The following WDR72 variants were observed in gnomAD, a reference collection of about 807,000 sequenced individuals.
The protein encoded by WDR72 is WD repeat-containing protein 72.
WDR72 carries 120 observed loss-of-function variants against 124.2 expected under a neutral mutation model. That is an observed-to-expected ratio of 0.97 (90% confidence interval 0.83 to 1.12). The LOEUF is 1.12. Ranked by LOEUF, WDR72 falls within the 50% of genes most tolerant of loss-of-function variation. The probability of loss-of-function intolerance (pLI) is 0.00; values close to 1 mark genes in which losing one functional copy is unlikely to be tolerated. For synonymous variants in WDR72, 452 were observed against 441.7 expected (o/e 1.02, Z -0.29); for missense variants, 1,387 against 1,278.8 (o/e 1.08, Z -1.29).
Position 53,716,621 on chromosome 15 carries a change from G to A in WDR72, c.325C>T (p.His109Tyr). ...AGTGTACTTACACAGATTGCAGTGT[G>A]CCTGTAAGGAAGTGTAGCCTTCTCC... The part of the protein sequence containing the change: ...CMEKATLPYR[H>Y]TAICYYHCSF... Residue 109 changes from histidine (H) to tyrosine (Y), a missense_variant, in exon 4 of 20, where the codon CAC becomes TAC. His to Tyr is a moderately conservative substitution (Grantham distance 83). Transcript: ENST00000360509. The A allele has an allele frequency of 6.2e-7, 1 of 1,607,288 alleles. No homozygotes were observed. The highest frequency in any genetic ancestry group is 8.5e-7 in the Non-Finnish European group (1 of 1,173,798).
At chr15:53,751,024 G>T (rs1358401832) in intron 1 of WDR72, among the ~76,000 whole-genome samples, 1 of 152,178 alleles carries the variant, frequency 6.6e-6, no homozygotes, top group Non-Finnish European at 1.5e-5. Context: ...TGGTAAAGTA[G>T]CAGGGTTTAA....
intron 1 of WDR72, among the ~76,000 whole-genome samples, chr15:53,738,690 G>A (rs181702191): frequency 3.4e-4 from 51 of 152,182 alleles, no homozygotes; most frequent in African/African-American, 1.2e-3. Context: ...TCCACTCCCG[G>A]GTTCAAGGGA....
chr15:53,717,736 A>G (rs1373686673), intron 3 of WDR72, among the ~76,000 whole-genome samples: 1 of 152,196 alleles, frequency 6.6e-6, no homozygotes, highest in African/African-American at 2.4e-5. Context: ...CCCACAACAA[A>G]GAATTATCTG....
At chr15:53,522,843 A>AC (rs1212109303) in intron 19 of WDR72, among the ~76,000 whole-genome samples, 3 of 151,880 alleles carry the variant, frequency 2.0e-5, no homozygotes, top group South Asian at 2.1e-4. Flanking sequence ...TTCTCTTTTC[A>AC]CCCCCGTCTG....
chr15:53,515,024 T>TATATAC lies in WDR72; in HGVS notation c.*2674_*2675insGTATAT, dbSNP rs1555402376. On this transcript the variant is annotated 3_prime_UTR_variant, in exon 20 of 20. Coordinates refer to ENST00000360509, the MANE Select transcript of WDR72 (RefSeq NM_182758.4). The stretch of plus-strand genomic sequence containing the variant: ...GGGATATGCCATATATATATATATA[T>TATATAC]ACACACATATATATGTGTATATATA... 1.3e-3 allele frequency: 178 copies of TATATAC among 135,924 alleles called. No homozygotes were observed. The highest frequency in any genetic ancestry group is 2.7e-3 in the Admixed American group (38 of 14,280). 8.4% of individuals were successfully genotyped at this position (135,924 alleles called of 1,614,324 possible).
At chr15:53,690,330 T>G (rs1471134965) in intron 13 of WDR72, among the ~76,000 whole-genome samples, 2 of 152,184 alleles carry the variant, frequency 1.3e-5, no homozygotes, top group African/African-American at 4.8e-5. Context: ...TCAGTGGCAT[T>G]TAGTGCATTG....
intron 1 of WDR72, among the ~76,000 whole-genome samples, chr15:53,755,257 T>C (rs957867184): frequency 2.0e-5 from 3 of 152,238 alleles, no homozygotes; most frequent in South Asian, 2.1e-4. Context: ...ATAAAGAAGA[T>C]ACTTTAAATG....
chr15:53,703,294 G>A (rs2017241231), intron 11 of WDR72, among the ~76,000 whole-genome samples: 1 of 152,148 alleles, frequency 6.6e-6, no homozygotes, highest in Admixed American at 6.5e-5. Context: ...TTTGAAAGAT[G>A]TTAGACATTA....
intron 14 of WDR72, among the ~76,000 whole-genome samples, chr15:53,653,597 G>T (rs1013564124): frequency 1.7e-4 from 26 of 152,264 alleles, no homozygotes; most frequent in African/African-American, 5.8e-4. Context: ...CTTTTTTAAT[G>T]TATGATGTTT....
At chr15:53,555,247 G>T (rs1893885024) in intron 18 of WDR72, among the ~76,000 whole-genome samples, 1 of 151,544 alleles carries the variant, frequency 6.6e-6, no homozygotes, top group African/African-American at 2.4e-5. Context: ...GTGCGGGAAG[G>T]GTAAGGAAAC....
intron 13 of WDR72, among the ~76,000 whole-genome samples, chr15:53,699,072 CACT>C (rs1332836541): frequency 6.6e-6 from 1 of 152,076 alleles, no homozygotes; most frequent in African/African-American, 2.4e-5. Context: ...ATAAAACCAC[CACT>C]GATTAATCAA....
At chr15:53,600,565 G>C (rs75686155) in intron 17 of WDR72, among the ~76,000 whole-genome samples, 2 of 152,096 alleles carry the variant, frequency 1.3e-5, no homozygotes, top group Non-Finnish European at 2.9e-5. Context: ...CTGAGTCTTA[G>C]GCAAGCTAAA....
chr15:53,705,058 C>T lies in WDR72; in HGVS notation c.1278G>A (p.Gly426=), dbSNP rs1158976500. 1 of 1,613,900 alleles carries T rather than the reference C, an allele frequency of 6.2e-7. No homozygotes were observed. The highest frequency in any genetic ancestry group is 1.3e-5 in the African/African-American group (1 of 74,876). ...LDKLICGCED[G]TIIITQALNA... ...TCAAAGCCTGGGTAATGATAATTGT[C>T]CCATCTTCACAGCCACATATTAGTT... The change falls in exon 11 of 20, where the codon GGG becomes GGA. Residue 426 remains glycine, a synonymous_variant. Transcript: ENST00000360509.
chr15:53,756,482 C>G (rs2018909946), intron 1 of WDR72, among the ~76,000 whole-genome samples: 1 of 152,132 alleles, frequency 6.6e-6, no homozygotes, highest in Non-Finnish European at 1.5e-5. Context: ...AACAAAATGT[C>G]AATTAACCAA....
Position 53,705,667 on chromosome 15 carries a change from T to C in WDR72, c.1102+260A>G, listed in dbSNP as rs555560357. 4.6e-5 allele frequency among the ~76,000 whole-genome samples: 7 copies of C among 152,278 alleles called. No individual in the cohort carries two copies. In the East Asian group the frequency reaches 1.4e-3, roughly 29 times the overall value. On this transcript the variant is annotated intron_variant, in intron 10 of 19. Coordinates refer to ENST00000360509, the MANE Select transcript of WDR72 (RefSeq NM_182758.4). ...TAGTAGAGACGGGGTTTCACCGTGT[T>C]GCCCAGGCTGGTCTCGAAGTCCTTT... is the stretch of plus-strand genomic sequence containing the variant.
intron 17 of WDR72, among the ~76,000 whole-genome samples, chr15:53,608,136 C>A (rs1396667416): frequency 1.3e-5 from 2 of 152,164 alleles, no homozygotes; most frequent in African/African-American, 4.8e-5. Context: ...TATGATACAG[C>A]AATCCCACTG....
rs75450502 is a variant in WDR72, at chr15:53,606,832, T to C, written c.2952+2681A>G. Among the ~76,000 whole-genome samples the C allele has an allele frequency of 8.3e-3, 1,265 of 152,184 alleles. 28 individuals carry two copies. Among genetic ancestry groups the C allele is most frequent in the African/African-American group, 0.029 (1,223 of 41,518 alleles). On this transcript the variant is annotated intron_variant, in intron 17 of 19. Coordinates refer to ENST00000360509, the MANE Select transcript of WDR72 (RefSeq NM_182758.4). ...CAGTTGGGGCTAAATCAAGGTAAGA[T>C]AGGAGGTGGCAAATGATGACAGATG...
intron 13 of WDR72, among the ~76,000 whole-genome samples, chr15:53,684,921 A>G (rs1274323109): frequency 2.6e-5 from 4 of 152,144 alleles, no homozygotes; most frequent in Non-Finnish European, 4.4e-5. Flanking sequence ...CGAGCAGCCT[A>G]ACTGGGAGGC....
At chr15:53,741,097 C>A (rs188810908) in intron 1 of WDR72, among the ~76,000 whole-genome samples, 1 of 152,310 alleles carries the variant, frequency 6.6e-6, no homozygotes, top group East Asian at 1.9e-4. Context: ...AGGGCAGAGA[C>A]TTCTGTCTCA....
Sources: allele counts gnomAD v4.1 joint callset (sites outside exome capture counted in the v4.1 genomes callset), GRCh38; gene constraint gnomAD v4.1.1; transcripts MANE v1.5; gene names NCBI Gene and HGNC (gene_info 2026-07-23, HGNC 2026-07-21).